Variants in ZNF274 observed in about 807,000 individuals in gnomAD.
ZNF274 encodes the protein zinc finger protein 274, also known as neurotrophin receptor-interacting factor homolog.
In ZNF274, 23 loss-of-function variants were observed where a neutral mutation model predicts 42.5. That is an observed-to-expected ratio of 0.54 (90% confidence interval 0.39 to 0.77). The LOEUF (loss-of-function observed/expected upper bound fraction) is 0.77, where lower values mean the gene tolerates loss of function less well. Among genes scored for constraint, ZNF274 ranks in the 30% least tolerant of loss-of-function variants. The pLI, the probability that ZNF274 is intolerant of heterozygous loss-of-function variation, is 0.00. For synonymous variants in ZNF274, 292 were observed against 305.4 expected (o/e 0.96, Z 0.46); for missense variants, 679 against 806.5 (o/e 0.84, Z 1.91).
At chr19:58,187,414 A>G (rs1472044845) in intron 4 of ZNF274, among the ~76,000 whole-genome samples, 1 of 152,122 alleles carries the variant, frequency 6.6e-6, no homozygotes. Flanking sequence ...GGGTGTTATA[A>G]TACAGACAAG....
At chr19:58,203,899 G>A in intron 4 of ZNF274, among the ~76,000 whole-genome samples, 1 of 152,220 alleles carries the variant, frequency 6.6e-6, no homozygotes, top group East Asian at 1.9e-4. Flanking sequence ...CTCAGGTCGT[G>A]ATCTACAATT....
chr19:58,195,654 G>C (rs531910452), intron 4 of ZNF274, among the ~76,000 whole-genome samples: 1 of 152,308 alleles, frequency 6.6e-6, no homozygotes, highest in South Asian at 2.1e-4. Flanking sequence ...AGTCAAGTCA[G>C]CAGTCCCCAA....
chr19:58,185,897 C>T, intron 3 of ZNF274, 59 bp downstream of exon 3: 3 of 1,314,968 alleles, frequency 2.3e-6, no homozygotes, highest in Non-Finnish European at 2.9e-6. Context: ...TGTAGCACCT[C>T]TGAAGTATGT....
At chr19:58,193,261 C>T (rs1196460236) in intron 4 of ZNF274, among the ~76,000 whole-genome samples, 1 of 151,780 alleles carries the variant, frequency 6.6e-6, no homozygotes, top group Non-Finnish European at 1.5e-5. Flanking sequence ...ATTCTCCTGC[C>T]TCAGCCTCCC....
chr19:58,204,078 A>C (rs987797491), intron 4 of ZNF274, among the ~76,000 whole-genome samples: 5 of 152,112 alleles, frequency 3.3e-5, no homozygotes, highest in African/African-American at 1.2e-4. Flanking sequence ...CAGGGTTTGT[A>C]CTCGAGGAAC....
Position 58,212,072 on chromosome 19 carries a change from C to G in ZNF274, c.980-89C>G. The G allele has an allele frequency of 1.4e-6, 2 of 1,462,622 alleles. No individual in the cohort carries two copies. The highest frequency in any genetic ancestry group is 2.8e-5 in the South Asian group (2 of 72,434). 90.6% of individuals were successfully genotyped at this position (1,462,622 alleles called of 1,614,324 possible). On this transcript the variant is annotated intron_variant, in intron 7 of 7. Transcript: ENST00000617501. The surrounding 1 kb of genome is among the most constrained non-coding windows in gnomAD (Gnocchi z 4.6). ...ATTTGGGAGAAAAAAAAAATCCTGA[C>G]TTTTGAACTTAATTATGCATTTCAT...
At position 58,211,696 on chromosome 19, in the gene ZNF274, T is replaced by C; in HGVS notation, c.979+10T>C. 6.2e-7 allele frequency: 1 copy of C among 1,606,552 alleles called. No individual in the cohort carries two copies. Among genetic ancestry groups the C allele is most frequent in the Non-Finnish European group, 8.5e-7 (1 of 1,175,368 alleles). The stretch of plus-strand genomic sequence containing the variant: ...CACCTGGTCTCTGTGGGTAAGGCTG[T>C]GCCCCCTCTTCACCCACCTCAGGGC... On this transcript the variant is annotated intron_variant, in intron 7 of 7. Coordinates refer to ENST00000617501, the MANE Select transcript of ZNF274 (RefSeq NM_133502.3). This position sits in a 1 kb window ranked among gnomAD's most constrained non-coding sequence, Gnocchi z 4.8.
chr19:58,199,518 C>A (rs978822015), intron 4 of ZNF274, among the ~76,000 whole-genome samples: 21 of 152,126 alleles, frequency 1.4e-4, no homozygotes, highest in Non-Finnish European at 2.4e-4. Context: ...GCCAGGAGTT[C>A]AAGACCAGCC....
At chr19:58,201,734 C>G (rs2075914316) in intron 4 of ZNF274, among the ~76,000 whole-genome samples, 1 of 151,794 alleles carries the variant, frequency 6.6e-6, no homozygotes, top group African/African-American at 2.4e-5. Context: ...CCAGGCTGGT[C>G]TCAAACTCCT....
rs908138993 is a variant in ZNF274, at chr19:58,211,771, C to G, written c.979+85C>G. The stretch of plus-strand genomic sequence containing the variant: ...CAGGGGTGTTCACCTTCTCTAGACT[C>G]CACACTGGGCATTCCCTCAAGGGGC... On this transcript the variant is annotated intron_variant, in intron 7 of 7. Coordinates refer to ENST00000617501, the MANE Select transcript of ZNF274 (RefSeq NM_133502.3). This position sits in a 1 kb window ranked among gnomAD's most constrained non-coding sequence, Gnocchi z 4.8. 1 of 1,502,118 alleles carries G rather than the reference C, an allele frequency of 6.7e-7. No individual in the cohort carries two copies. The highest frequency in any genetic ancestry group is 8.9e-7 in the Non-Finnish European group (1 of 1,120,526). 93.0% of individuals were successfully genotyped at this position (1,502,118 alleles called of 1,614,324 possible). A position where few individuals can be genotyped will look rare whatever the true frequency, so the allele number is the denominator to read the frequency against.
Position 58,211,432 on chromosome 19 carries a change from A to G in ZNF274, c.853-128A>G. The stretch of plus-strand genomic sequence containing the variant: ...GGCCCTGGGTTGGTGTCTCTGAGCA[A>G]ATCCCCAAAGCAGGAGAGTCCCTAG... On this transcript the variant is annotated intron_variant, in intron 6 of 7. Coordinates refer to ENST00000617501, the MANE Select transcript of ZNF274 (RefSeq NM_133502.3). This position sits in a 1 kb window ranked among gnomAD's most constrained non-coding sequence, Gnocchi z 4.8. 7.8e-7 allele frequency: 1 copy of G among 1,278,796 alleles called. No individual in the cohort carries two copies. The highest frequency in any genetic ancestry group is 1.0e-6 in the Non-Finnish European group (1 of 952,960). 79.2% of individuals were successfully genotyped at this position (1,278,796 alleles called of 1,614,324 possible).
intron 4 of ZNF274, among the ~76,000 whole-genome samples, chr19:58,201,289 G>A (rs898592859): frequency 6.6e-6 from 1 of 150,688 alleles, no homozygotes; most frequent in African/African-American, 2.4e-5. Flanking sequence ...TGGGATTACA[G>A]GCGTGAGCCA....
chr19:58,183,705 C>G lies in ZNF274; in HGVS notation c.-45-216C>G, dbSNP rs138799967. The G allele has an allele frequency of 7.3e-3, 3,210 of 442,656 alleles. 22 individuals are homozygous for G. Among genetic ancestry groups the G allele is most frequent in the Non-Finnish European group, 0.01 (2,536 of 244,250 alleles). 27.4% of individuals were successfully genotyped at this position (442,656 alleles called of 1,614,324 possible). A position where few individuals can be genotyped will look rare whatever the true frequency, so the allele number is the denominator to read the frequency against. ...TCTGGGCCAGGGAGGCGATCCCCTC[C>G]GATGCGCGGGACAGAGGAGGCTCGG... On this transcript the variant is annotated intron_variant, in intron 1 of 7. Transcript: ENST00000617501.
intron 4 of ZNF274, among the ~76,000 whole-genome samples, chr19:58,188,006 T>C (rs1411948102): frequency 1.3e-5 from 2 of 152,170 alleles, no homozygotes; most frequent in African/African-American, 4.8e-5. Context: ...ATTACAGGCA[T>C]GAGCCATTGT....
intron 4 of ZNF274, among the ~76,000 whole-genome samples, chr19:58,188,917 G>A (rs1296426981): frequency 4.0e-5 from 6 of 151,014 alleles, no homozygotes; most frequent in Admixed American, 1.3e-4. Flanking sequence ...TTCAGCCTAC[G>A]TAGAGTTGGC....
At chr19:58,203,170 C>G (rs367596014) in intron 4 of ZNF274, among the ~76,000 whole-genome samples, 3 of 152,276 alleles carry the variant, frequency 2.0e-5, no homozygotes, top group South Asian at 2.1e-4. Flanking sequence ...ACTTAGCCCC[C>G]CCCCAGGAAG....
intron 4 of ZNF274, among the ~76,000 whole-genome samples, chr19:58,188,678 A>G (rs4801256): frequency 0.43 from 38,860 of 89,824 alleles, 8,146 homozygotes; most frequent in Middle Eastern, 0.49. Context: ...GTGTGTGTGT[A>G]TATATATATG....
intron 4 of ZNF274, 109 bp from the exon 5 acceptor site, chr19:58,206,611 G>A (rs2075980719): frequency 1.5e-6 from 2 of 1,311,836 alleles, no homozygotes; most frequent in Non-Finnish European, 2.1e-6. Context: ...TAGTGGGTTT[G>A]AAGCATATTC....
rs2076068440 is a variant in ZNF274, at chr19:58,213,459, TA to T, written c.*318del. The T allele has an allele frequency of 3.5e-6, 1 of 284,280 alleles. No individual in the cohort carries two copies. Among genetic ancestry groups the T allele is most frequent in the Non-Finnish European group, 6.6e-6 (1 of 151,090 alleles). 17.6% of individuals were successfully genotyped at this position (284,280 alleles called of 1,614,324 possible). A position where few individuals can be genotyped will look rare whatever the true frequency, so the allele number is the denominator to read the frequency against. On this transcript the variant is annotated 3_prime_UTR_variant, in exon 8 of 8. Transcript: ENST00000617501. ...TAACTTTAAAAAGCCAGGTAATTAA[TA>T]ATCTGCACTGATATTACATCCACAG...
Sources: allele counts gnomAD v4.1 joint callset (sites outside exome capture counted in the v4.1 genomes callset), GRCh38; gene constraint gnomAD v4.1.1; non-coding constraint Gnocchi (gnomAD v3.1); transcripts MANE v1.5; gene names NCBI Gene and HGNC (gene_info 2026-07-23, HGNC 2026-07-21).